GASK1B: variants seen among roughly 807,000 people sequenced by gnomAD.
GASK1B encodes the protein Golgi-associated kinase 1B.
Under a neutral mutation model 42.8 loss-of-function variants are expected in GASK1B, and 34 were observed. The ratio of observed to expected loss-of-function variants is 0.79; its 90% CI spans 0.60 to 1.06. GASK1B has a LOEUF of 1.06. Ranked by LOEUF, GASK1B falls within the 50% of genes least tolerant of loss-of-function variation. GASK1B has a pLI of 0.00. For missense variants in GASK1B, 686 were observed against 661.0 expected (o/e 1.04, Z -0.42); for synonymous variants, 262 against 259.1 (o/e 1.01, Z -0.11).
At position 158,171,012 on chromosome 4, in the gene GASK1B, G is replaced by A. The variant is rs772179552; in HGVS notation, c.364C>T (p.Arg122Cys). 2 of 1,614,082 alleles carry A rather than the reference G, an allele frequency of 1.2e-6. No homozygotes were observed. The highest frequency in any genetic ancestry group is 1.7e-5 in the Admixed American group (1 of 60,030). Reference sequence around the variant, plus strand: ...CTGCGCTTGGGCTTCACGGTGCCACGGATATTGGCCGGCTTGCTGCGCTTG... The same window carrying A: ...CTGCGCTTGGGCTTCACGGTGCCACAGATATTGGCCGGCTTGCTGCGCTTG... ...RSKRSKPANI[R>C]GTVKPKRRKK... is the part of the protein sequence containing the mutation. The change falls in exon 2 of 5, where the codon CGT (arginine) becomes TGT (cysteine). Residue 122 changes from arginine to cysteine, a missense_variant. Arg to Cys is a radical substitution (Grantham distance 180, BLOSUM62 -3). Coordinates refer to ENST00000585682, the MANE Select transcript of GASK1B (RefSeq NM_001128424.2).
chr4:158,151,067 C>T (rs1187299343), intron 3 of GASK1B, among the ~76,000 whole-genome samples: 3 of 152,108 alleles, frequency 2.0e-5, no homozygotes, highest in Non-Finnish European at 4.4e-5. Flanking sequence ...CCTAAATTTC[C>T]ACAAGATACT....
At chr4:158,166,941 G>A (rs1365856063) in intron 2 of GASK1B, among the ~76,000 whole-genome samples, 3 of 152,042 alleles carry the variant, frequency 2.0e-5, no homozygotes, top group Non-Finnish European at 2.9e-5. Context: ...ATTTTTGCTG[G>A]ACAACTAACT....
chr4:158,134,753 T>G (rs1342560191), intron 3 of GASK1B, among the ~76,000 whole-genome samples: 2 of 152,296 alleles, frequency 1.3e-5, no homozygotes, highest in East Asian at 1.9e-4. Flanking sequence ...CCTTTGGTAG[T>G]GTTAGTTTTG....
chr4:158,137,898 A>G (rs1319020093), intron 3 of GASK1B, among the ~76,000 whole-genome samples: 1 of 152,220 alleles, frequency 6.6e-6, no homozygotes, highest in East Asian at 1.9e-4. Flanking sequence ...AGTCTGCAAT[A>G]TAGAAATCTA....
At chr4:158,144,727 A>G (rs1731266199) in intron 3 of GASK1B, among the ~76,000 whole-genome samples, 1 of 152,196 alleles carries the variant, frequency 6.6e-6, no homozygotes, top group Non-Finnish European at 1.5e-5. Flanking sequence ...AATACTGACA[A>G]CTAATCCCAG....
intron 3 of GASK1B, among the ~76,000 whole-genome samples, chr4:158,146,252 G>A (rs1731327457): frequency 6.6e-6 from 1 of 151,696 alleles, no homozygotes; most frequent in African/African-American, 2.4e-5. Context: ...TTGCCCTTGA[G>A]AAATTTATAG....
intron 3 of GASK1B, among the ~76,000 whole-genome samples, chr4:158,154,973 C>A (rs1731703803): frequency 6.6e-6 from 1 of 152,000 alleles, no homozygotes; most frequent in Non-Finnish European, 1.5e-5. Context: ...ACCCATGTAA[C>A]AAAACACCAC....
chr4:158,146,886 C>T (rs567582612), intron 3 of GASK1B, among the ~76,000 whole-genome samples: 3 of 152,192 alleles, frequency 2.0e-5, no homozygotes, highest in South Asian at 4.1e-4. Flanking sequence ...TATACCCCCA[C>T]GTTTCAAGAA....
intron 3 of GASK1B, among the ~76,000 whole-genome samples, chr4:158,138,502 A>G (rs1318853580): frequency 2.6e-5 from 4 of 152,206 alleles, no homozygotes; most frequent in Non-Finnish European, 5.9e-5. Context: ...CACTATTTGG[A>G]ACTAAATCTA....
intron 3 of GASK1B, among the ~76,000 whole-genome samples, chr4:158,134,717 T>A (rs1579010662): frequency 6.6e-6 from 1 of 152,310 alleles, no homozygotes; most frequent in South Asian, 2.1e-4. Flanking sequence ...ATTTCCTTCT[T>A]CTAAAGTTTT....
At chr4:158,161,928 G>GTCCA (rs1732033615) in intron 2 of GASK1B, among the ~76,000 whole-genome samples, 1 of 152,068 alleles carries the variant, frequency 6.6e-6, no homozygotes, top group Non-Finnish European at 1.5e-5. Flanking sequence ...ATAAAGTCCA[G>GTCCA]GCTCCTTGCA....
At chr4:158,146,215 T>A (rs1472192006) in intron 3 of GASK1B, among the ~76,000 whole-genome samples, 6 of 152,092 alleles carry the variant, frequency 3.9e-5, no homozygotes, top group Non-Finnish European at 8.8e-5. Flanking sequence ...CTGATAGAAT[T>A]GTTACAAAGT....
At position 158,170,741 on chromosome 4, in the gene GASK1B, G is replaced by A; in HGVS notation, c.635C>T (p.Ala212Val). Residue 212 changes from alanine to valine, a missense_variant, in exon 2 of 5, where the codon GCC (alanine) becomes GTC (valine). Ala to Val is a moderately conservative substitution (Grantham distance 64). Coordinates refer to ENST00000585682, the MANE Select transcript of GASK1B (RefSeq NM_001128424.2). ...GTCATCTTTGCTCAGCCAGGAGGGG[G>A]CGCTCTCGCTGTAGATCCTAATGTT... ...ESNIRIYSES[A>V]PSWLSKDDIR... The A allele has an allele frequency of 6.2e-7, 1 of 1,614,252 alleles. No individual in the cohort carries two copies. Among genetic ancestry groups the A allele is most frequent in the Admixed American group, 1.7e-5 (1 of 60,034 alleles).
At chr4:158,142,453 G>A (rs1731174596) in intron 3 of GASK1B, among the ~76,000 whole-genome samples, 1 of 152,166 alleles carries the variant, frequency 6.6e-6, no homozygotes, top group South Asian at 2.1e-4. Context: ...TGGAAAGTCA[G>A]CAAATTAGGT....
chr4:158,126,463 G>T lies in GASK1B; in HGVS notation c.*944C>A, dbSNP rs2110915401. On this transcript the variant is annotated 3_prime_UTR_variant, in exon 5 of 5. Coordinates refer to ENST00000585682, the MANE Select transcript of GASK1B (RefSeq NM_001128424.2). ...ATATTTGAACCAATTCTCAATATCT[G>T]GGCAGTAACCATTAAATCAAATTAA... The T allele has an allele frequency of 6.6e-6, 1 of 151,962 alleles. No homozygotes were observed. Among genetic ancestry groups the T allele is most frequent in the East Asian group, 1.9e-4 (1 of 5,170 alleles). 9.4% of individuals were successfully genotyped at this position (151,962 alleles called of 1,614,324 possible). A position where few individuals can be genotyped will look rare whatever the true frequency, so the allele number is the denominator to read the frequency against.
intron 3 of GASK1B, among the ~76,000 whole-genome samples, chr4:158,136,798 T>A (rs557255660): frequency 1.3e-5 from 2 of 152,340 alleles, no homozygotes; most frequent in South Asian, 4.1e-4. Flanking sequence ...GAAAGAAGAA[T>A]GCATATCAGA....
Position 158,170,494 on chromosome 4 carries a change from A to C in GASK1B, c.882T>G (p.Ser294=). 6.2e-7 allele frequency: 1 copy of C among 1,614,266 alleles called. No individual in the cohort carries two copies. The highest frequency in any genetic ancestry group is 1.6e-4 in the Middle Eastern group (1 of 6,062). ...GGATGAACTCTGCTTTCCTGCTCAC[A>C]GACGGCAGGGTCCTGTTGAGCCCCA... ...RILGLNRTLP[S]VSRKAEFIQD... Residue 294 remains serine, a synonymous_variant, in exon 2 of 5, where the codon TCT becomes TCG. Transcript: ENST00000585682.
chr4:158,141,922 T>TACAGCACCAAATACCATAA, intron 3 of GASK1B, among the ~76,000 whole-genome samples: 1 of 2,164 alleles, frequency 4.6e-4, no homozygotes, highest in Non-Finnish European at 1.8e-3. Flanking sequence ...TGTGGTTTCT[T>TACAGCACCAAATACCATAA]TTTTTTTTTT....
In GASK1B at chr4:158,170,693, G is replaced by T. The variant is rs775990903; in HGVS notation, c.683C>A (p.Ala228Glu). ...KDDIRRMRLL[A>E]DSAVAGLRPV... is the part of the protein sequence containing the mutation. The stretch of plus-strand genomic sequence containing the variant: ...CCGGAGCCCTGCCACTGCGCTGTCC[G>T]CCAAGAGTCGCATTCTTCGGATGTC... The change falls in exon 2 of 5, where the codon GCG becomes GAG. Residue 228 changes from alanine (A) to glutamate (E), a missense_variant. By Grantham distance (107) the Ala-to-Glu change is moderately radical. Transcript: ENST00000585682. The T allele has an allele frequency of 1.9e-6, 3 of 1,614,142 alleles. No individual in the cohort carries two copies. The highest frequency in any genetic ancestry group is 2.2e-5 in the East Asian group (1 of 44,878).
Sources: allele counts gnomAD v4.1 joint callset (sites outside exome capture counted in the v4.1 genomes callset), GRCh38; gene constraint gnomAD v4.1.1; transcripts MANE v1.5; gene names NCBI Gene and HGNC (gene_info 2026-07-23, HGNC 2026-07-21).